The following LARGE1 variants were observed in gnomAD, a reference collection of about 807,000 sequenced individuals.
The protein encoded by LARGE1 is LARGE xylosyl- and glucuronyltransferase 1.
A neutral mutation model predicts 87.6 loss-of-function variants in LARGE1; 43 were observed. The ratio of observed to expected loss-of-function variants is 0.49; its 90% CI spans 0.38 to 0.63. LARGE1 has a LOEUF of 0.63. Among genes scored for constraint, LARGE1 ranks in the 30% least tolerant of loss-of-function variants. The pLI is 0.00. For missense variants in LARGE1, 802 were observed against 1,000.2 expected (o/e 0.80, Z 2.67); for synonymous variants, 434 against 394.6 (o/e 1.10, Z -1.18).
chr22:33,348,289 C>CCCCA (rs1569081859), intron 9 of LARGE1, among the ~76,000 whole-genome samples: 33 of 124,146 alleles, frequency 2.7e-4, no homozygotes, highest in African/African-American at 3.3e-4. Context: ...CACCCCCCCC[C>CCCCA]AAAAAAAAAG....
intron 6 of LARGE1, among the ~76,000 whole-genome samples, chr22:33,500,394 C>G (rs2070369754): frequency 6.6e-6 from 1 of 152,174 alleles, no homozygotes; most frequent in Admixed American, 6.5e-5. Flanking sequence ...CCTAATCTTA[C>G]CTGTTCAATT....
intron 2 of LARGE1, among the ~76,000 whole-genome samples, chr22:33,717,322 G>A (rs576425785): frequency 6.6e-6 from 1 of 152,192 alleles, no homozygotes; most frequent in Non-Finnish European, 1.5e-5. Flanking sequence ...GAGTGCTTCT[G>A]ACTGATTCTG....
At chr22:33,219,404 C>G (rs543618003) in intron 11 of LARGE1, among the ~76,000 whole-genome samples, 1 of 152,304 alleles carries the variant, frequency 6.6e-6, no homozygotes, top group Admixed American at 6.5e-5. Context: ...AAATTAAAAT[C>G]TTTGGTATTT....
intron 3 of LARGE1, among the ~76,000 whole-genome samples, chr22:33,648,940 T>A (rs2080705652): frequency 6.6e-6 from 1 of 152,240 alleles, no homozygotes; most frequent in African/African-American, 2.4e-5. Flanking sequence ...ATATGTTTGC[T>A]GAACGAATGG....
chr22:33,338,744 A>G (rs1160744339), intron 9 of LARGE1, among the ~76,000 whole-genome samples: 2 of 152,190 alleles, frequency 1.3e-5, no homozygotes. Flanking sequence ...AGGGCTGGGA[A>G]GCAGCCAGAG....
At chr22:33,260,427 CT>C (rs1220300382) in intron 11 of LARGE1, among the ~76,000 whole-genome samples, 1 of 152,234 alleles carries the variant, frequency 6.6e-6, no homozygotes, top group Non-Finnish European at 1.5e-5. Context: ...AAGGCATGGG[CT>C]TTGGGGTCTG....
chr22:33,148,750 T>G, the LARGE1 span, among the ~76,000 whole-genome samples: 3 of 152,186 alleles, frequency 2.0e-5, no homozygotes, highest in Non-Finnish European at 2.9e-5. Flanking sequence ...GTTATGTTAG[T>G]TTATTATTTT....
rs560291508 is a variant in LARGE1, at chr22:33,564,537, GA to G, written c.787+310del. Among the ~76,000 whole-genome samples, 29 of 152,226 alleles carry G rather than the reference GA, an allele frequency of 1.9e-4. 1 individual carries two copies. The East Asian group carries it at 3.7e-3, about 19-fold the overall frequency. On this transcript the variant is annotated intron_variant, in intron 6 of 14. Transcript: ENST00000397394. ...CAATTAGACTATCCTTCGATAAAAA[GA>G]AAACCAATGAACACACGTCCCGACC...
chr22:33,175,185 A>G (rs1180031527), intron 11 of LARGE1, among the ~76,000 whole-genome samples: 3 of 152,132 alleles, frequency 2.0e-5, no homozygotes, highest in South Asian at 2.1e-4. Context: ...AACATCCACA[A>G]ATCAATGGGC....
At chr22:33,862,484 G>A (rs78301074) in intron 1 of LARGE1, among the ~76,000 whole-genome samples, 4,050 of 152,276 alleles carry the variant, frequency 0.027, 68 homozygotes, top group Non-Finnish European at 0.044. Context: ...CTACAATTTC[G>A]TCTTTTCCAG....
intron 7 of LARGE1, among the ~76,000 whole-genome samples, chr22:33,394,719 GTGTGTGTGTGTGTGTGTGTGTGTGTA>G (rs1475031345): frequency 3.4e-5 from 5 of 149,050 alleles, no homozygotes; most frequent in African/African-American, 7.7e-5. Context: ...GTGTGTGTGT[GTGTGTGTGTGTGTGTGTGTGTGTGTA>G]TGTGTGTGTG....
At chr22:33,302,732 A>C (rs1181458625) in intron 12 of LARGE1, among the ~76,000 whole-genome samples, 1 of 152,124 alleles carries the variant, frequency 6.6e-6, no homozygotes, top group Non-Finnish European at 1.5e-5. Context: ...GTTTGCGACA[A>C]ACAGAAACCC....
chr22:33,706,331 C>T (rs1377502731), intron 2 of LARGE1, among the ~76,000 whole-genome samples: 1 of 152,192 alleles, frequency 6.6e-6, no homozygotes, highest in Non-Finnish European at 1.5e-5. Flanking sequence ...CCAAGAGGGA[C>T]CTCGTCAGGG....
At chr22:33,712,546 C>T (rs775226375) in intron 2 of LARGE1, among the ~76,000 whole-genome samples, 10 of 152,008 alleles carry the variant, frequency 6.6e-5, no homozygotes, top group Non-Finnish European at 1.5e-4. Flanking sequence ...CCCTCCTTGA[C>T]TCTGAGTGGT....
chr22:33,760,115 G>A (rs1203977726), intron 2 of LARGE1, among the ~76,000 whole-genome samples: 1 of 152,156 alleles, frequency 6.6e-6, no homozygotes, highest in Non-Finnish European at 1.5e-5. Context: ...ATGCATAAAG[G>A]AAACGTTTAA....
chr22:33,758,842 T>G (rs922796742), intron 2 of LARGE1, among the ~76,000 whole-genome samples: 1 of 152,290 alleles, frequency 6.6e-6, no homozygotes. Context: ...TCACCCAGCG[T>G]GTTTTAAGCA....
At chr22:33,187,921 C>CAAAAAAAAAAAAAAAAAA (rs578115819) in intron 11 of LARGE1, among the ~76,000 whole-genome samples, 3 of 36,912 alleles carry the variant, frequency 8.1e-5, no homozygotes, top group Non-Finnish European at 1.1e-4. Flanking sequence ...GACTCCGTCT[C>CAAAAAAAAAAAAAAAAAA]AAAAAAAAAA....
chr22:33,334,216 C>A (rs912947819), intron 10 of LARGE1, among the ~76,000 whole-genome samples: 1 of 151,764 alleles, frequency 6.6e-6, no homozygotes, highest in African/African-American at 2.4e-5. Flanking sequence ...ATGATCAAGA[C>A]CATCCTGGCC....
intron 1 of LARGE1, among the ~76,000 whole-genome samples, chr22:33,783,612 T>C (rs2085502270): frequency 1.3e-5 from 2 of 152,078 alleles, no homozygotes; most frequent in Admixed American, 1.3e-4. Flanking sequence ...GAAGAAGAGG[T>C]GTCTACTAAA....
Sources: gnomAD v4.1 joint callset for allele counts (sites outside exome capture counted in the v4.1 genomes callset) on GRCh38, gnomAD v4.1.1 for gene constraint, MANE v1.5 for transcripts, NCBI Gene and HGNC (gene_info 2026-07-23, HGNC 2026-07-21) for gene names.